Variants in LPA observed in about 807,000 individuals in gnomAD.
LPA encodes lipoprotein(a).
Under a neutral mutation model 197.9 loss-of-function variants are expected in LPA, and 199 were observed. The ratio of observed to expected loss-of-function variants is 1.01; its 90% CI spans 0.90 to 1.13. The LOEUF is 1.13. Among genes scored for constraint, LPA ranks in the 50% most tolerant of loss-of-function variants. The pLI is 0.00. For missense variants in LPA, 1,853 were observed against 1,785.8 expected, an observed-to-expected ratio of 1.04 and a Z score of -0.68; for synonymous variants, 715 against 639.5, an observed-to-expected ratio of 1.12 and a Z score of -1.78.
chr6:160,532,989 C>CT (rs1777830356), intron 37 of LPA, among the ~76,000 whole-genome samples: 2 of 152,108 alleles, frequency 1.3e-5, no homozygotes, highest in African/African-American at 2.4e-5. Context: ...TTTTTATATA[C>CT]TTTTTTCAGA....
rs1037990054 is a variant in LPA at position 160,589,787 on chromosome 6, G to T, written c.3788-75C>A. 1.1e-5 allele frequency: 17 copies of T among 1,534,742 alleles called. No individual in the cohort carries two copies. In the African/African-American group the frequency reaches 2.2e-4, roughly 20 times the overall value. On this transcript the variant is annotated intron_variant, in intron 23 of 38. Transcript: ENST00000316300. Reference sequence around the variant, plus strand: ...AGCATGAGAAAAAAAATCCATGATAGAAACAGGACATCATCTCTGAAAATG... The same window carrying T: ...AGCATGAGAAAAAAAATCCATGATATAAACAGGACATCATCTCTGAAAATG...
intron 30 of LPA, among the ~76,000 whole-genome samples, chr6:160,551,913 CT>C (rs569721968): frequency 0.26 from 33,163 of 128,924 alleles, 3,138 homozygotes; most frequent in Non-Finnish European, 0.32. Context: ...AACACATATC[CT>C]TTTTTTTTTT....
At chr6:160,582,095 G>C (rs963668619) in intron 26 of LPA, among the ~76,000 whole-genome samples, 1 of 152,080 alleles carries the variant, frequency 6.6e-6, no homozygotes, top group Non-Finnish European at 1.5e-5. Flanking sequence ...GACAGAATAT[G>C]TACTTACGTA....
chr6:160,606,116 C>G (rs544799308), intron 17 of LPA, among the ~76,000 whole-genome samples: 1 of 152,252 alleles, frequency 6.6e-6, no homozygotes, highest in Admixed American at 6.5e-5. Flanking sequence ...TGAATGCTGG[C>G]TAATTGAAGA....
intron 30 of LPA, 74 bp from the exon 31 acceptor site, chr6:160,548,733 T>C (rs1778121872): frequency 6.6e-7 from 1 of 1,512,184 alleles, no homozygotes; most frequent in African/African-American, 1.4e-5. Context: ...CTCTACATTT[T>C]GTTCTAACAA....
At chr6:160,663,237 C>T (rs1356338687) in intron 1 of LPA, among the ~76,000 whole-genome samples, 1 of 152,210 alleles carries the variant, frequency 6.6e-6, no homozygotes, top group Non-Finnish European at 1.5e-5. Context: ...AAACAATTAA[C>T]CTGCTCTTCA....
intron 28 of LPA, among the ~76,000 whole-genome samples, chr6:160,564,015 T>C (rs1338908647): frequency 6.6e-6 from 1 of 152,226 alleles, no homozygotes; most frequent in Non-Finnish European, 1.5e-5. Context: ...TGACTCTTTA[T>C]TCAATTTCCC....
chr6:160,561,061 G>A (rs1371492942), intron 28 of LPA, among the ~76,000 whole-genome samples: 3 of 151,786 alleles, frequency 2.0e-5, no homozygotes, highest in East Asian at 1.9e-4. Flanking sequence ...AGGTGCCCAC[G>A]ACCACACCCA....
At chr6:160,557,680 A>G (rs1778289155) in intron 28 of LPA, 109 bp from the exon 29 acceptor site, 8 of 944,502 alleles carry the variant, frequency 8.5e-6, no homozygotes, top group South Asian at 5.6e-5. Context: ...ACGTTGTAAT[A>G]TTCCCATTTT....
intron 1 of LPA, among the ~76,000 whole-genome samples, chr6:160,654,085 A>G (rs1433067217): frequency 4.2e-5 from 2 of 47,222 alleles, no homozygotes; most frequent in African/African-American, 1.9e-4. Context: ...TATATATTAT[A>G]TATATTATAT....
At chr6:160,588,718 C>T (rs1024024516) in intron 24 of LPA, among the ~76,000 whole-genome samples, 3 of 152,126 alleles carry the variant, frequency 2.0e-5, no homozygotes, top group Non-Finnish European at 4.4e-5. Context: ...ATCGCAGACT[C>T]CAGTCTCTCT....
At chr6:160,541,614 A>T (rs1777983039) in intron 34 of LPA, among the ~76,000 whole-genome samples, 1 of 152,222 alleles carries the variant, frequency 6.6e-6, no homozygotes, top group South Asian at 2.1e-4. Context: ...GTGACTCATG[A>T]GGGTCTTCTG....
chr6:160,546,860 C>G (rs1443487580), intron 32 of LPA, among the ~76,000 whole-genome samples: 1 of 152,022 alleles, frequency 6.6e-6, no homozygotes, highest in Non-Finnish European at 1.5e-5. Flanking sequence ...TTCATAGGCC[C>G]CAAAGTAAAC....
chr6:160,652,943 T>C (rs1183103494), intron 1 of LPA, among the ~76,000 whole-genome samples: 1 of 152,018 alleles, frequency 6.6e-6, no homozygotes, highest in African/African-American at 2.4e-5. Context: ...ATAAACTCAA[T>C]ATAAATGAAG....
At chr6:160,649,116 A>G (rs968672906) in intron 2 of LPA, among the ~76,000 whole-genome samples, 1 of 151,962 alleles carries the variant, frequency 6.6e-6, no homozygotes, top group African/African-American at 2.4e-5. Flanking sequence ...CAGTTTTGCT[A>G]TTGTTTGTGT....
At chr6:160,599,786 G>A in intron 19 of LPA, 127 bp from the exon 20 acceptor site, 1 of 999,206 alleles carries the variant, frequency 1.0e-6, no homozygotes, top group East Asian at 2.5e-5. Context: ...TTTATTAATA[G>A]GCAAATGGAC....
intron 28 of LPA, among the ~76,000 whole-genome samples, chr6:160,568,954 T>A (rs1456733104): frequency 2.0e-5 from 3 of 152,146 alleles, no homozygotes; most frequent in African/African-American, 4.8e-5. Flanking sequence ...CAAGGAGAAC[T>A]ACAAACCACT....
intron 28 of LPA, among the ~76,000 whole-genome samples, chr6:160,560,108 A>G (rs1390064517): frequency 1.3e-5 from 2 of 152,314 alleles, no homozygotes; most frequent in Non-Finnish European, 2.9e-5. Context: ...GTCCCTGCAA[A>G]AGACATGAAC....
At chr6:160,591,190 G>T in intron 22 of LPA, 89 bp from the exon 23 acceptor site, 1 of 1,525,440 alleles carries the variant, frequency 6.6e-7, no homozygotes. Flanking sequence ...TAACAAAGTG[G>T]TAAAAAGTGA....
Sources: allele counts gnomAD v4.1 joint callset (sites outside exome capture counted in the v4.1 genomes callset), GRCh38; gene constraint gnomAD v4.1.1; transcripts MANE v1.5; gene names NCBI Gene and HGNC (gene_info 2026-07-23, HGNC 2026-07-21).